The following PLA2G2C variants were observed in gnomAD, a reference collection of about 807,000 sequenced individuals.
PLA2G2C encodes the protein phospholipase A2 group IIC.
In PLA2G2C, 15 loss-of-function variants were observed where a neutral mutation model predicts 14.3. That is an observed-to-expected ratio of 1.05 (90% CI 0.70 to 1.62). The LOEUF (loss-of-function observed/expected upper bound fraction) is 1.62. Ranked by LOEUF, PLA2G2C falls within the 40% of genes most tolerant of loss-of-function variation. The pLI is 0.00. For missense variants in PLA2G2C, 162 were observed against 173.2 expected (o/e 0.94, Z 0.36); for synonymous variants, 79 against 67.7 (o/e 1.17, Z -0.82).
At position 20,170,294 on chromosome 1, in the gene PLA2G2C, G is replaced by C. The variant is rs118014448; in HGVS notation, c.283+2500C>G. Among the ~76,000 whole-genome samples the C allele has an allele frequency of 3.9e-4, 60 of 152,372 alleles. 1 individual carries two copies. In the East Asian group the frequency reaches 0.01, roughly 25 times the overall value. ...AGCACTGAAAAGGTTCAAGACACAT[G>C]CATCTTAATCTTGTCTGTTTCTTGG... On this transcript the variant is annotated intron_variant, in intron 4 of 4. Coordinates refer to ENST00000679259, the MANE Select transcript of PLA2G2C (RefSeq NM_001367969.2).
chr1:20,163,921 TCTGAGAAGGCTTC>T lies in PLA2G2C; in HGVS notation c.*57_*69del. ...AAGAACAGGGGCCTGTTGGGGATGA[TCTGAGAAGGCTTC>T]CTGGAAGAGCAACACTAGAGCGGAT... On this transcript the variant is annotated 3_prime_UTR_variant, in exon 5 of 5. Transcript: ENST00000679259. 4.0e-6 allele frequency: 6 copies of T among 1,495,498 alleles called. No homozygotes were observed. The highest frequency in any genetic ancestry group is 5.4e-6 in the Non-Finnish European group (6 of 1,110,506). 92.6% of individuals were successfully genotyped at this position (1,495,498 alleles called of 1,614,324 possible).
Position 20,175,044 on chromosome 1 carries a change from G to C in PLA2G2C, c.142C>G (p.Leu48Val), listed in dbSNP as rs752921982. 8 of 1,613,872 alleles carry C rather than the reference G, an allele frequency of 5.0e-6. No homozygotes were observed. Among genetic ancestry groups the C allele is most frequent in the South Asian group, 2.2e-5 (2 of 91,048 alleles). ...TCCACGGGGATCCCTTTATCCCCAAGCCCACAGTAGCAGCCATATCCGTAA... is the reference window on the plus strand; with the variant it reads ...TCCACGGGGATCCCTTTATCCCCAACCCCACAGTAGCAGCCATATCCGTAA... ...SYYGYGCYCG[L>V]GDKGIPVDDT... The change falls in exon 3 of 5, where the codon CTT becomes GTT. Residue 48 changes from leucine (L) to valine (V), a missense_variant. Leu to Val is a conservative substitution (Grantham distance 32). Coordinates refer to ENST00000679259, the MANE Select transcript of PLA2G2C (RefSeq NM_001367969.2).
At chr1:20,165,896 T>G (rs2017970538) in intron 4 of PLA2G2C, among the ~76,000 whole-genome samples, 1 of 152,200 alleles carries the variant, frequency 6.6e-6, no homozygotes, top group Non-Finnish European at 1.5e-5. Flanking sequence ...CCTAGTCCGC[T>G]CTCAGGGTTG....
chr1:20,175,366 T>C (rs1441305289), intron 2 of PLA2G2C, among the ~76,000 whole-genome samples: 1 of 152,180 alleles, frequency 6.6e-6, no homozygotes, highest in Non-Finnish European at 1.5e-5. Flanking sequence ...CTAACCCAGA[T>C]GAATACCCAG....
At chr1:20,175,308 G>A (rs1489623458) in intron 2 of PLA2G2C, 163 bp from the exon 3 acceptor site, 1 of 1,020,290 alleles carries the variant, frequency 9.8e-7, no homozygotes, top group Non-Finnish European at 1.4e-6. Context: ...TCTTTCCTGG[G>A]GAATAAAATA....
chr1:20,180,503 A>T (rs1432536434), intron 1 of PLA2G2C, among the ~76,000 whole-genome samples: 1 of 152,212 alleles, frequency 6.6e-6, no homozygotes, highest in East Asian at 1.9e-4. Flanking sequence ...AGCGGAAGTA[A>T]CCTGAAAAAA....
intron 1 of PLA2G2C, among the ~76,000 whole-genome samples, chr1:20,179,761 TGTGTGTGA>T (rs2100724444): frequency 6.6e-6 from 1 of 150,432 alleles, no homozygotes; most frequent in Non-Finnish European, 1.5e-5. Flanking sequence ...TGTGTGTGTG[TGTGTGTGA>T]GCTTGTCCCT....
intron 3 of PLA2G2C, among the ~76,000 whole-genome samples, chr1:20,174,091 C>T (rs146471301): frequency 2.6e-5 from 4 of 152,274 alleles, no homozygotes; most frequent in East Asian, 1.9e-4. Flanking sequence ...GTATGCCAAT[C>T]GCCAGTCCCA....
intron 4 of PLA2G2C, among the ~76,000 whole-genome samples, chr1:20,169,809 T>G (rs2018039784): frequency 6.6e-6 from 1 of 152,202 alleles, no homozygotes; most frequent in Admixed American, 6.5e-5. Context: ...GACCCAGTGT[T>G]GCCCGACTCT....
chr1:20,181,238 G>T (rs2100725483), intron 1 of PLA2G2C, among the ~76,000 whole-genome samples: 1 of 152,230 alleles, frequency 6.6e-6, no homozygotes, highest in African/African-American at 2.4e-5. Flanking sequence ...AGGCATGAAT[G>T]AATGAGTGAA....
chr1:20,164,982 A>G (rs1272821047), intron 4 of PLA2G2C, among the ~76,000 whole-genome samples: 1 of 152,084 alleles, frequency 6.6e-6, no homozygotes, highest in Non-Finnish European at 1.5e-5. Context: ...AGTTACGTTC[A>G]CTCTCTGGCT....
At chr1:20,184,197 G>GCGCACACACACA (rs1553184784) in intron 1 of PLA2G2C, 7 of 149,722 alleles carry the variant, frequency 4.7e-5, no homozygotes, top group African/African-American at 1.7e-4. Flanking sequence ...GTGCGCACAC[G>GCGCACACACACA]CACACACACA....
intron 3 of PLA2G2C, among the ~76,000 whole-genome samples, chr1:20,174,521 T>C (rs1380259923): frequency 6.6e-6 from 1 of 152,232 alleles, no homozygotes; most frequent in Non-Finnish European, 1.5e-5. Context: ...AGTGAGTCAG[T>C]TGTGCTGTGC....
At chr1:20,171,544 T>C (rs2100716437) in intron 4 of PLA2G2C, among the ~76,000 whole-genome samples, 1 of 152,248 alleles carries the variant, frequency 6.6e-6, no homozygotes, top group Admixed American at 6.5e-5. Context: ...ACCAGGGTTC[T>C]GAGCCCTGGA....
At chr1:20,165,652 C>T (rs2017961487) in intron 4 of PLA2G2C, among the ~76,000 whole-genome samples, 1 of 151,930 alleles carries the variant, frequency 6.6e-6, no homozygotes, top group African/African-American at 2.4e-5. Flanking sequence ...AGAGCTGTCG[C>T]ACTGTGTGCA....
At chr1:20,165,150 A>C (rs2017954748) in intron 4 of PLA2G2C, among the ~76,000 whole-genome samples, 3 of 152,030 alleles carry the variant, frequency 2.0e-5, no homozygotes, top group Admixed American at 2.0e-4. Context: ...TGGGCACACC[A>C]GCCTGTTTCA....
intron 1 of PLA2G2C, among the ~76,000 whole-genome samples, chr1:20,178,576 T>C (rs1190025300): frequency 6.6e-6 from 1 of 152,166 alleles, no homozygotes; most frequent in Non-Finnish European, 1.5e-5. Context: ...GTGCGGGATG[T>C]TTTTTAATTA....
At chr1:20,185,757 G>C (rs1374437872) in intron 1 of PLA2G2C, among the ~76,000 whole-genome samples, 1 of 152,160 alleles carries the variant, frequency 6.6e-6, no homozygotes, top group Admixed American at 6.5e-5. Flanking sequence ...GTCAGGGCCT[G>C]ACCCAAGGTG....
At chr1:20,172,477 T>A (rs2018101868) in intron 4 of PLA2G2C, among the ~76,000 whole-genome samples, 1 of 152,050 alleles carries the variant, frequency 6.6e-6, no homozygotes. Context: ...CAAGGAAACA[T>A]GTTCTCAACA....
Sources: gnomAD v4.1 joint callset for allele counts (sites outside exome capture counted in the v4.1 genomes callset) on GRCh38, gnomAD v4.1.1 for gene constraint, MANE v1.5 for transcripts, NCBI Gene and HGNC (gene_info 2026-07-23, HGNC 2026-07-21) for gene names.